The following PCDH11Y variants were observed in gnomAD, a reference collection of about 807,000 sequenced individuals.
PCDH11Y encodes the protein protocadherin 11 Y-linked, also known as protocadherin-11 Y-linked.
For synonymous variants in PCDH11Y, 9 were observed against 83.6 expected (o/e 0.11, Z 4.87); for missense variants, 12 against 224.8 (o/e 0.05, Z 6.05).
chrY:5,436,774 A>T, intron 2 of PCDH11Y, among the ~76,000 whole-genome samples: 13 of 33,215 alleles, frequency 3.9e-4, no homozygotes, highest in Non-Finnish European at 8.2e-4. Context: ...AAGTGTTTCC[A>T]AGGTAACAAT....
At chrY:5,383,906 T>C in intron 2 of PCDH11Y, among the ~76,000 whole-genome samples, 2 of 33,507 alleles carry the variant, frequency 6.0e-5, no homozygotes, top group East Asian at 8.0e-4. Context: ...CGTGAGCCAC[T>C]GGGCCCAGCC....
chrY:5,069,592 G>A, intron 1 of PCDH11Y, among the ~76,000 whole-genome samples: 1 of 31,805 alleles, frequency 3.1e-5, no homozygotes, highest in East Asian at 1.1e-3. Context: ...AGCTCTGAGT[G>A]GTTTTTGTAA....
intron 2 of PCDH11Y, among the ~76,000 whole-genome samples, chrY:5,237,772 C>T: frequency 3.7e-4 from 12 of 32,495 alleles, no homozygotes. Context: ...TTCTTATACA[C>T]CAATAACAGA....
At chrY:5,535,670 C>T (rs2053399358) in intron 3 of PCDH11Y, among the ~76,000 whole-genome samples, 2 of 33,059 alleles carry the variant, frequency 6.0e-5, no homozygotes, top group Non-Finnish European at 1.5e-4. Flanking sequence ...TTTTTGAAAT[C>T]GCAAATTGTG....
chrY:5,511,569 G>T, intron 3 of PCDH11Y, among the ~76,000 whole-genome samples: 1 of 32,204 alleles, frequency 3.1e-5, no homozygotes, highest in African/African-American at 1.2e-4. Context: ...CATCTAGAAA[G>T]ATCCCATAAT....
intron 3 of PCDH11Y, among the ~76,000 whole-genome samples, chrY:5,509,939 T>C (rs2053362709): frequency 3.4e-5 from 1 of 29,643 alleles, no homozygotes; most frequent in African/African-American, 1.3e-4. Flanking sequence ...TCACCTGAGA[T>C]CAGTAGTTCA....
intron 2 of PCDH11Y, among the ~76,000 whole-genome samples, chrY:5,402,656 T>C (rs2053234715): frequency 9.1e-4 from 20 of 21,995 alleles, no homozygotes; most frequent in African/African-American, 3.5e-3. Context: ...TTATTTCTTT[T>C]TTTTTTTTTT....
chrY:5,487,765 A>G, intron 2 of PCDH11Y, among the ~76,000 whole-genome samples: 1 of 33,504 alleles, frequency 3.0e-5, no homozygotes, highest in Non-Finnish European at 7.4e-5. Flanking sequence ...ACAAACTGAC[A>G]TGTCAAACTT....
chrY:5,692,588 T>C (rs372699497), intron 4 of PCDH11Y, among the ~76,000 whole-genome samples: 1 of 32,970 alleles, frequency 3.0e-5, no homozygotes, highest in Non-Finnish European at 7.5e-5. Context: ...TTATTCCCTT[T>C]ATAAGGTCAA....
intron 3 of PCDH11Y, among the ~76,000 whole-genome samples, chrY:5,505,406 GA>G (rs2053358243): frequency 3.1e-5 from 1 of 32,641 alleles, no homozygotes. Context: ...CACTCTATCT[GA>G]AAATGTTATA....
intron 3 of PCDH11Y, among the ~76,000 whole-genome samples, chrY:5,046,811 G>C: frequency 8.9e-5 from 3 of 33,530 alleles, no homozygotes; most frequent in African/African-American, 2.3e-4. Flanking sequence ...ATATAATCTC[G>C]TGGTGCGCCG....
intron 2 of PCDH11Y, among the ~76,000 whole-genome samples, chrY:5,161,408 G>A: frequency 3.0e-5 from 1 of 32,888 alleles, no homozygotes; most frequent in South Asian, 6.5e-4. Context: ...CAATAAAGTC[G>A]CCATTAATTT....
At chrY:5,038,602 T>C (rs2052602754) in intron 3 of PCDH11Y, among the ~76,000 whole-genome samples, 1 of 30,491 alleles carries the variant, frequency 3.3e-5, no homozygotes. Context: ...TGGGATCATA[T>C]AATGTTTTAT....
At chrY:5,272,623 T>C (rs2124659721) in intron 2 of PCDH11Y, among the ~76,000 whole-genome samples, 1 of 32,913 alleles carries the variant, frequency 3.0e-5, no homozygotes, top group Admixed American at 2.8e-4. Context: ...GACATTTGTA[T>C]CAGCATTAGA....
At chrY:5,636,132 G>T (rs2124704368) in intron 4 of PCDH11Y, among the ~76,000 whole-genome samples, 2 of 33,986 alleles carry the variant, frequency 5.9e-5, no homozygotes, top group African/African-American at 1.1e-4. Context: ...GCACGACTGG[G>T]TGTTTTTCTG....
chrY:5,666,199 ATTG>A (rs2053544612), intron 4 of PCDH11Y, among the ~76,000 whole-genome samples: 1 of 33,001 alleles, frequency 3.0e-5, no homozygotes, highest in Non-Finnish European at 7.4e-5. Context: ...ACAGTATCTT[ATTG>A]ACCTCCTTGG....
At chrY:5,353,957 C>G (rs2053162777) in intron 2 of PCDH11Y, among the ~76,000 whole-genome samples, 1 of 33,755 alleles carries the variant, frequency 3.0e-5, no homozygotes, top group African/African-American at 1.1e-4. Flanking sequence ...GAGATCGTGC[C>G]ATTGCACTAC....
At chrY:5,490,786 C>T in intron 2 of PCDH11Y, among the ~76,000 whole-genome samples, 1 of 34,181 alleles carries the variant, frequency 2.9e-5, no homozygotes, top group Non-Finnish European at 7.4e-5. Context: ...TCTTGGGGAT[C>T]CAGGAAGCCC....
At chrY:5,718,118 C>T (rs2124713734) in intron 4 of PCDH11Y, among the ~76,000 whole-genome samples, 1 of 32,523 alleles carries the variant, frequency 3.1e-5, no homozygotes, top group African/African-American at 1.2e-4. Context: ...GAGTGGGTGG[C>T]AGGGATGGTT....
Sources: gnomAD v4.1 joint callset for allele counts (sites outside exome capture counted in the v4.1 genomes callset) on GRCh38, gnomAD v4.1.1 for gene constraint, MANE v1.5 for transcripts, NCBI Gene and HGNC (gene_info 2026-07-23, HGNC 2026-07-21) for gene names.